Variants in FBRSL1 observed in about 807,000 individuals in gnomAD.
FBRSL1 encodes the protein fibrosin-1-like protein.
FBRSL1 carries 51 observed loss-of-function variants against 89.6 expected under a neutral mutation model. The observed-to-expected ratio is 0.57, with a 90% CI of 0.45 to 0.72. The LOEUF (loss-of-function observed/expected upper bound fraction) is 0.72, where lower values mean the gene tolerates loss of function less well. Among genes scored for constraint, FBRSL1 ranks in the 30% least tolerant of loss-of-function variants. The pLI, the probability that FBRSL1 is intolerant of heterozygous loss-of-function variation, is 0.00. For synonymous variants in FBRSL1, 779 were observed against 681.1 expected (o/e 1.14, Z -2.24); for missense variants, 1,618 against 1,451.8 (o/e 1.11, Z -1.86).
chr12:132,533,665 C>T (rs1219527693), intron 4 of FBRSL1, among the ~76,000 whole-genome samples: 3 of 152,264 alleles, frequency 2.0e-5, no homozygotes, highest in East Asian at 1.9e-4. Context: ...ACCTGTCCCT[C>T]GTCTGCCACC....
chr12:132,575,588 G>A (rs2040333562), intron 14 of FBRSL1, among the ~76,000 whole-genome samples: 1 of 152,268 alleles, frequency 6.6e-6, no homozygotes, highest in Non-Finnish European at 1.5e-5. Context: ...ACAGCAGAGG[G>A]ATCAGGTGCT....
At chr12:132,550,413 G>C (rs1006223287) in intron 5 of FBRSL1, among the ~76,000 whole-genome samples, 1 of 152,168 alleles carries the variant, frequency 6.6e-6, no homozygotes, top group African/African-American at 2.4e-5. Flanking sequence ...CGCACAAAGC[G>C]GGGGCACGGT....
intron 9 of FBRSL1, chr12:132,571,563 C>T (rs1388221278): frequency 1.9e-5 from 25 of 1,299,858 alleles, no homozygotes; most frequent in East Asian, 1.7e-4. Context: ...CGGGGGCGGG[C>T]GTGGGGCGGG....
chr12:132,583,067 G>C lies in FBRSL1; in HGVS notation c.2298G>C (p.Glu766Asp). ...GCCTCCTGCTCCGGGCCCAGAGCGA[G>C]CTGGGCCGGTCCGGGGCCCCCGCGG... ...VSGLLLRAQS[E>D]LGRSGAPAER... The change falls in exon 19 of 19, where the codon GAG (glutamate) becomes GAC (aspartate). Residue 766 changes from glutamate (E) to aspartate (D), a missense_variant. Physicochemically the swap from Glu to Asp is conservative, Grantham distance 45 (BLOSUM62 2). Transcript: ENST00000680143. 8 of 1,446,524 alleles carry C rather than the reference G, an allele frequency of 5.5e-6. No individual in the cohort carries two copies. The highest frequency in any genetic ancestry group is 7.2e-6 in the Non-Finnish European group (8 of 1,105,336). The allele number at this position is 1,446,524 out of a possible 1,614,324, so 89.6% of individuals were successfully genotyped here. A position where few individuals can be genotyped will look rare whatever the true frequency, so the allele number is the denominator to read the frequency against.
chr12:132,548,826 ACCCCGGCCTCAGGGACGG>A, intron 5 of FBRSL1, among the ~76,000 whole-genome samples: 1 of 152,168 alleles, frequency 6.6e-6, no homozygotes, highest in East Asian at 1.9e-4. Flanking sequence ...GGGAATGGTC[ACCCCGGCCTCAGGGACGG>A]CCCTGCAGAG....
intron 4 of FBRSL1, among the ~76,000 whole-genome samples, chr12:132,532,718 G>A (rs2036391971): frequency 6.6e-6 from 1 of 152,116 alleles, no homozygotes; most frequent in African/African-American, 2.4e-5. Flanking sequence ...GCGCAGTGCA[G>A]GAGGGTGGGA....
intron 15 of FBRSL1, among the ~76,000 whole-genome samples, chr12:132,579,065 C>T (rs908003400): frequency 6.6e-6 from 1 of 152,316 alleles, no homozygotes; most frequent in Non-Finnish European, 1.5e-5. Context: ...CCCTTCCCTC[C>T]TCTGGATACC....
chr12:132,505,623 C>A (rs997625771), intron 1 of FBRSL1, among the ~76,000 whole-genome samples: 1 of 152,198 alleles, frequency 6.6e-6, no homozygotes, highest in Non-Finnish European at 1.5e-5. Context: ...GACTGAGCGA[C>A]TGGGCAGAGT....
intron 2 of FBRSL1, chr12:132,510,331 C>T: frequency 8.1e-7 from 1 of 1,230,716 alleles, no homozygotes; most frequent in South Asian, 4.1e-5. Context: ...GCCCGTCAGC[C>T]CCGGCTCTCG....
In FBRSL1 at chr12:132,581,843, GC is replaced by G. The variant is rs556233285; in HGVS notation, c.1996+25del. 3 of 1,525,096 alleles carry G rather than the reference GC, an allele frequency of 2.0e-6. No homozygotes were observed. Among genetic ancestry groups the G allele is most frequent in the African/African-American group, 2.8e-5 (2 of 72,600 alleles). 94.5% of individuals were successfully genotyped at this position (1,525,096 alleles called of 1,614,324 possible). ...GCACTGGGTGAGTGACCCAGCCTGTGCCCCCCTCCCCCGATGCCCGCGCCCC... is the reference window on the plus strand; with the variant it reads ...GCACTGGGTGAGTGACCCAGCCTGTGCCCCCTCCCCCGATGCCCGCGCCCC... On this transcript the variant is annotated intron_variant, in intron 17 of 18. Transcript: ENST00000680143.
intron 2 of FBRSL1, chr12:132,509,598 C>T: frequency 4.9e-6 from 6 of 1,232,158 alleles, no homozygotes; most frequent in Non-Finnish European, 6.1e-6. Context: ...CCTGCGGTCC[C>T]TCCTGGCCCC....
At chr12:132,493,569 G>T (rs573143704) in intron 1 of FBRSL1, among the ~76,000 whole-genome samples, 3 of 152,142 alleles carry the variant, frequency 2.0e-5, no homozygotes, top group African/African-American at 7.2e-5. Flanking sequence ...CACCCTCTCC[G>T]CCTGTCTGAA....
In FBRSL1 at chr12:132,572,301, C is replaced by T. The variant is rs200339811; in HGVS notation, c.1391C>T (p.Ala464Val). The change falls in exon 10 of 19, where the codon GCG (alanine) becomes GTG (valine). Residue 464 changes from alanine (A) to valine (V), a missense_variant. By Grantham distance (64) the Ala-to-Val change is moderately conservative (BLOSUM62 0). Coordinates refer to ENST00000680143, the MANE Select transcript of FBRSL1 (RefSeq NM_001367871.1). ...RPRECQFDKYAPKLDSPYFRH... is the reference protein window; with the variant it reads ...RPRECQFDKYVPKLDSPYFRH... ...CTTCCCTTCCAGTTTGACAAGTATGCGCCCAAGCTGGACAGCCCCTACTTC... is the reference window on the plus strand; with the variant it reads ...CTTCCCTTCCAGTTTGACAAGTATGTGCCCAAGCTGGACAGCCCCTACTTC... The T allele has an allele frequency of 6.4e-4, 998 of 1,550,960 alleles. 2 individuals are homozygous for T. The highest frequency in any genetic ancestry group is 1.2e-3 in the Middle Eastern group (7 of 6,010).
At chr12:132,494,529 C>T (rs1050357400) in intron 1 of FBRSL1, among the ~76,000 whole-genome samples, 1 of 152,254 alleles carries the variant, frequency 6.6e-6, no homozygotes, top group Non-Finnish European at 1.5e-5. Flanking sequence ...GCCCCAGTGA[C>T]GCTGGCCATG....
chr12:132,534,268 C>T (rs1007920598), intron 4 of FBRSL1, among the ~76,000 whole-genome samples: 6 of 152,240 alleles, frequency 3.9e-5, no homozygotes, highest in East Asian at 3.8e-4. Context: ...TGGGACGCCA[C>T]GTGCGTTGTC....
In FBRSL1 at chr12:132,583,500, C is replaced by T. The variant is rs1054383339; in HGVS notation, c.2731C>T (p.Pro911Ser). 1.3e-5 allele frequency: 14 copies of T among 1,043,168 alleles called. No individual in the cohort carries two copies. The highest frequency in any genetic ancestry group is 3.5e-5 in the African/African-American group (2 of 57,044). 64.6% of individuals were successfully genotyped at this position (1,043,168 alleles called of 1,614,324 possible). A position where few individuals can be genotyped will look rare whatever the true frequency, so the allele number is the denominator to read the frequency against. ...ELERARAPHL[P>S]PAAPALDGAL... Reference sequence around the variant, plus strand: ...GGAGCGCGCGCGGGCCCCGCACCTGCCGCCCGCCGCCCCCGCCTTGGACGG... The same window carrying T: ...GGAGCGCGCGCGGGCCCCGCACCTGTCGCCCGCCGCCCCCGCCTTGGACGG... The change falls in exon 19 of 19, where the codon CCG (proline) becomes TCG (serine). Residue 911 changes from proline to serine, a missense_variant. Physicochemically the swap from Pro to Ser is moderately conservative, Grantham distance 74. Coordinates refer to ENST00000680143, the MANE Select transcript of FBRSL1 (RefSeq NM_001367871.1).
At position 132,583,011 on chromosome 12, in the gene FBRSL1, C is replaced by CTGAG; in HGVS notation, c.2242_2243insTGAG (p.Pro748LeufsTer279). On this transcript the variant is annotated frameshift_variant, in exon 19 of 19. Transcript: ENST00000680143. LOFTEE classifies it high-confidence loss of function. ...GACGCGCCTGCTGAGCCGGGCCTCG[C>CTGAG]CCGCCACCCCCGCTGGCCACCCCGT... 1 of 1,455,994 alleles carries CTGAG rather than the reference C, an allele frequency of 6.9e-7. No individual in the cohort carries two copies. 90.2% of individuals were successfully genotyped at this position (1,455,994 alleles called of 1,614,324 possible).
chr12:132,572,543 C>T lies in FBRSL1; in HGVS notation c.1451C>T (p.Pro484Leu). 1 of 1,551,362 alleles carries T rather than the reference C, an allele frequency of 6.4e-7. No homozygotes were observed. The highest frequency in any genetic ancestry group is 8.7e-7 in the Non-Finnish European group (1 of 1,146,776). Residue 484 changes from proline to leucine, a missense_variant, in exon 11 of 19, where the codon CCT becomes CTT. Transcript: ENST00000680143. ...HSSVSFFPSF[P>L]PAIPGLPTLL... ...CTCTTACAGTTCTTCCCGTCCTTCC[C>T]TCCTGCCATCCCGGGACTGCCCACC... is the stretch of plus-strand genomic sequence containing the variant.
intron 5 of FBRSL1, among the ~76,000 whole-genome samples, chr12:132,548,556 GGCA>G (rs1187074623): frequency 6.6e-6 from 1 of 152,212 alleles, no homozygotes; most frequent in African/African-American, 2.4e-5. Context: ...GAACCCCCCG[GGCA>G]GCCCCTGAGC....
Sources: allele counts gnomAD v4.1 joint callset (sites outside exome capture counted in the v4.1 genomes callset), GRCh38; gene constraint gnomAD v4.1.1; transcripts MANE v1.5; gene names NCBI Gene and HGNC (gene_info 2026-07-23, HGNC 2026-07-21).